The following XXYLT1 variants were observed in gnomAD, a reference collection of about 807,000 sequenced individuals.
The protein encoded by XXYLT1 is UDP-xylose:alpha-xyloside alpha-1,3-xylosyltransferase.
XXYLT1 carries 20 observed loss-of-function variants against 28.9 expected under a neutral mutation model. The observed-to-expected ratio is 0.69, with a 90% confidence interval of 0.49 to 1.00. XXYLT1 has a LOEUF of 1.00. XXYLT1 is among the 50% of genes least tolerant of loss of function. The pLI is 0.00. For synonymous variants in XXYLT1, 257 were observed against 253.8 expected, an observed-to-expected ratio of 1.01 and a Z score of -0.12; for missense variants, 542 against 560.1, an observed-to-expected ratio of 0.97 and a Z score of 0.33.
chr3:195,073,629 T>A (rs1714952666), intron 3 of XXYLT1, among the ~76,000 whole-genome samples: 2 of 152,084 alleles, frequency 1.3e-5, no homozygotes. Context: ...CCTTTAGAAA[T>A]AATTTCAACT....
chr3:195,080,053 T>C (rs1271139806), intron 3 of XXYLT1, among the ~76,000 whole-genome samples: 3 of 151,618 alleles, frequency 2.0e-5, no homozygotes, highest in African/African-American at 7.3e-5. Context: ...ATGGCAGGAA[T>C]TTAGGAGAAT....
At chr3:195,248,688 C>A (rs934780227) in intron 1 of XXYLT1, among the ~76,000 whole-genome samples, 3 of 152,162 alleles carry the variant, frequency 2.0e-5, no homozygotes, top group Admixed American at 2.0e-4. Context: ...GAGGCCAAGG[C>A]GGGTGGATAA....
At chr3:195,247,456 G>T (rs1482535481) in intron 1 of XXYLT1, among the ~76,000 whole-genome samples, 2 of 152,274 alleles carry the variant, frequency 1.3e-5, no homozygotes, top group Non-Finnish European at 2.9e-5. Flanking sequence ...CAGGCAGGAA[G>T]GTGGCCTGGG....
At chr3:195,125,473 C>T (rs554562650) in intron 3 of XXYLT1, among the ~76,000 whole-genome samples, 2 of 152,300 alleles carry the variant, frequency 1.3e-5, no homozygotes, top group Admixed American at 1.3e-4. Flanking sequence ...TAGGAAGGAG[C>T]TCACAAGGCC....
chr3:195,219,088 T>C (rs572196305), intron 2 of XXYLT1, among the ~76,000 whole-genome samples: 1 of 151,204 alleles, frequency 6.6e-6, no homozygotes, highest in South Asian at 2.1e-4. Context: ...CACAGCATAT[T>C]CTCACTCATA....
chr3:195,103,443 A>AGCGGCCTGCGTCCATCACCCCACG lies in XXYLT1; in HGVS notation c.786-33333_786-33332insCGTGGGGTGATGGACGCAGGCCGC, dbSNP rs1560095955. ...CAGCGGCCTGCGTCCATCACCCCAC[A>AGCGGCCTGCGTCCATCACCCCACG]CCAGCGGCCTGCGTCCATCTCTTCT... On this transcript the variant is annotated intron_variant, in intron 3 of 3. Coordinates refer to ENST00000310380, the MANE Select transcript of XXYLT1 (RefSeq NM_152531.5). Among the ~76,000 whole-genome samples the AGCGGCCTGCGTCCATCACCCCACG allele has an allele frequency of 2.5e-3, 123 of 48,622 alleles. 1 individual carries two copies. Among genetic ancestry groups the AGCGGCCTGCGTCCATCACCCCACG allele is most frequent in the Middle Eastern group, 0.028 (2 of 72 alleles). The allele number at this position is 48,622 out of a possible 152,430, so 31.9% of individuals were successfully genotyped here.
chr3:195,222,045 C>T (rs1422224582), intron 2 of XXYLT1, among the ~76,000 whole-genome samples: 1 of 152,196 alleles, frequency 6.6e-6, no homozygotes, highest in Non-Finnish European at 1.5e-5. Flanking sequence ...TCCAAGGGGG[C>T]GATCAGGGCA....
At chr3:195,103,153 G>T (rs1368290916) in intron 3 of XXYLT1, among the ~76,000 whole-genome samples, 1 of 152,248 alleles carries the variant, frequency 6.6e-6, no homozygotes, top group East Asian at 1.9e-4. Context: ...GTGGGGGGCA[G>T]ATAAAAGGGA....
rs903300680 is a variant in XXYLT1, at chr3:195,124,870, C to T, written c.785+31579G>A. Among the ~76,000 whole-genome samples, 1 of 152,168 alleles carries T rather than the reference C, an allele frequency of 6.6e-6. No homozygotes were observed. The highest frequency in any genetic ancestry group is 6.5e-5 in the Admixed American group (1 of 15,278). Reference sequence around the variant, plus strand: ...GAGCCGGCACTGGCAGCGTTTTTCACGGACGCAGCACACATCTGTATTTTC... The same window carrying T: ...GAGCCGGCACTGGCAGCGTTTTTCATGGACGCAGCACACATCTGTATTTTC... On this transcript the variant is annotated intron_variant, in intron 3 of 3. Transcript: ENST00000310380. The surrounding 1 kb of genome is among the most constrained non-coding windows in gnomAD (Gnocchi z 4.1).
chr3:195,203,239 A>C (rs1280133831), intron 2 of XXYLT1, among the ~76,000 whole-genome samples: 1 of 152,234 alleles, frequency 6.6e-6, no homozygotes, highest in African/African-American at 2.4e-5. Flanking sequence ...GAAATTACTA[A>C]ACATCAACAA....
At chr3:195,134,127 G>A (rs1238442670) in intron 3 of XXYLT1, among the ~76,000 whole-genome samples, 1 of 152,156 alleles carries the variant, frequency 6.6e-6, no homozygotes, top group Non-Finnish European at 1.5e-5. Context: ...TAAGCTGAGT[G>A]TTATTACAAG....
chr3:195,181,428 G>A (rs1166025603), intron 2 of XXYLT1, among the ~76,000 whole-genome samples: 2 of 152,172 alleles, frequency 1.3e-5, no homozygotes, highest in East Asian at 1.9e-4. Context: ...TCACCTTTGT[G>A]TCATTTTAGT....
At chr3:195,114,116 C>A (rs1044648572) in intron 3 of XXYLT1, among the ~76,000 whole-genome samples, 3 of 152,188 alleles carry the variant, frequency 2.0e-5, no homozygotes, top group Non-Finnish European at 4.4e-5. Flanking sequence ...TTCCAAGATT[C>A]AATTAAGGAA....
intron 3 of XXYLT1, among the ~76,000 whole-genome samples, chr3:195,131,248 C>G (rs1018300759): frequency 6.6e-6 from 1 of 152,228 alleles, no homozygotes. Context: ...ACCCTCTTTC[C>G]GTCTCCCCAT....
Position 195,270,785 on chromosome 3 carries a change from C to T in XXYLT1, c.274G>A (p.Gly92Ser). ...TGGTAGTCCACCGGCCCGGCACCGC[C>T]GCCCTCCAAGCTCTTGGCCTTCGCG... is the stretch of plus-strand genomic sequence containing the variant. ...PGAKAKSLEG[G>S]GAGPVDYHLL... is the part of the protein sequence containing the mutation. The change falls in exon 1 of 4, where the codon GGC becomes AGC. Residue 92 changes from glycine to serine, a missense_variant. Gly to Ser is a moderately conservative substitution (Grantham distance 56, BLOSUM62 0). Coordinates refer to ENST00000310380, the MANE Select transcript of XXYLT1 (RefSeq NM_152531.5). The T allele has an allele frequency of 3.2e-6, 5 of 1,569,124 alleles. No individual in the cohort carries two copies. In the South Asian group the frequency reaches 4.6e-5, roughly 15 times the overall value.
intron 2 of XXYLT1, among the ~76,000 whole-genome samples, chr3:195,166,663 A>G (rs1170700662): frequency 6.6e-6 from 1 of 151,858 alleles, no homozygotes. Flanking sequence ...AATTTGGGGA[A>G]TATGGGCCAT....
chr3:195,144,526 G>A (rs1034061416), intron 3 of XXYLT1, among the ~76,000 whole-genome samples: 49 of 151,990 alleles, frequency 3.2e-4, no homozygotes, highest in Non-Finnish European at 1.3e-4. Flanking sequence ...AAAGGCACGT[G>A]CCACCACACT....
chr3:195,267,727 G>C (rs1245825155), intron 1 of XXYLT1, among the ~76,000 whole-genome samples: 2 of 152,288 alleles, frequency 1.3e-5, no homozygotes, highest in South Asian at 4.1e-4. Context: ...CTTGGAGTTT[G>C]AAAGTGTGTA....
intron 3 of XXYLT1, among the ~76,000 whole-genome samples, chr3:195,121,836 A>T (rs1204579760): frequency 6.6e-6 from 1 of 152,212 alleles, no homozygotes. Flanking sequence ...TCTAGGCCTC[A>T]GGATCCCCAT....
Sources: gnomAD v4.1 joint callset for allele counts (sites outside exome capture counted in the v4.1 genomes callset) on GRCh38, gnomAD v4.1.1 for gene constraint, Gnocchi (gnomAD v3.1) non-coding constraint, MANE v1.5 for transcripts, NCBI Gene and HGNC (gene_info 2026-07-23, HGNC 2026-07-21) for gene names.